Variants in DYNC1I1 observed in about 807,000 individuals in gnomAD.
The protein encoded by DYNC1I1 is dynein cytoplasmic 1 intermediate chain 1.
Under a neutral mutation model 86.6 loss-of-function variants are expected in DYNC1I1, and 43 were observed. That is an observed-to-expected ratio of 0.50 (90% CI 0.39 to 0.64). The LOEUF is 0.64. Ranked by LOEUF, DYNC1I1 falls within the 30% of genes least tolerant of loss-of-function variation. The pLI is 0.00. For missense variants in DYNC1I1, 604 were observed against 788.8 expected (o/e 0.77, Z 2.81); for synonymous variants, 262 against 283.7 (o/e 0.92, Z 0.77).
chr7:95,956,621 G>A (rs1414579670), intron 6 of DYNC1I1, among the ~76,000 whole-genome samples: 1 of 152,002 alleles, frequency 6.6e-6, no homozygotes, highest in South Asian at 2.1e-4. Flanking sequence ...TTATGAGTGA[G>A]AACATGCAGT....
intron 6 of DYNC1I1, 34 bp downstream of exon 6, chr7:95,870,032 T>A (rs756098858): frequency 1.3e-6 from 2 of 1,566,482 alleles, no homozygotes; most frequent in South Asian, 2.3e-5. Context: ...TTCCATATTA[T>A]CTCTGGAGAA....
At chr7:95,963,221 T>G (rs1363702733) in intron 6 of DYNC1I1, among the ~76,000 whole-genome samples, 1 of 152,182 alleles carries the variant, frequency 6.6e-6, no homozygotes, top group Non-Finnish European at 1.5e-5. Flanking sequence ...CCTTGTCCTA[T>G]CTCCACCACT....
chr7:95,844,605 T>G (rs929110521), intron 5 of DYNC1I1, among the ~76,000 whole-genome samples: 1 of 151,832 alleles, frequency 6.6e-6, no homozygotes, highest in Non-Finnish European at 1.5e-5. Context: ...GGCGGGGGGT[T>G]AGAGGAATGG....
In DYNC1I1 at chr7:95,828,051, A is replaced by G. The variant is rs1444661847; in HGVS notation, c.315-6A>G. On this transcript the variant is annotated splice_polypyrimidine_tract_variant and splice_region_variant and intron_variant, in intron 4 of 16. Transcript: ENST00000447467. ...GTGTTCTTTTTCCTTTGTGCTGCAC[A>G]ATTAGGACCCTGCAGTGGGACACAG... The G allele has an allele frequency of 8.7e-6, 14 of 1,613,524 alleles. No individual in the cohort carries two copies. Among genetic ancestry groups the G allele is most frequent in the Non-Finnish European group, 1.2e-5 (14 of 1,179,740 alleles).
At chr7:95,905,571 C>T (rs1420890850) in intron 6 of DYNC1I1, among the ~76,000 whole-genome samples, 1 of 152,144 alleles carries the variant, frequency 6.6e-6, no homozygotes, top group Non-Finnish European at 1.5e-5. Context: ...GTCTCAAACT[C>T]ACGTGGGGTC....
intron 1 of DYNC1I1, among the ~76,000 whole-genome samples, chr7:95,785,775 G>GTGTGTA (rs1317168531): frequency 8.7e-4 from 108 of 124,826 alleles, no homozygotes; most frequent in African/African-American, 2.4e-3. Flanking sequence ...GTGTGTATGT[G>GTGTGTA]TATATATATA....
At chr7:95,981,147 A>T (rs1315938100) in intron 7 of DYNC1I1, among the ~76,000 whole-genome samples, 1 of 152,140 alleles carries the variant, frequency 6.6e-6, no homozygotes, top group Non-Finnish European at 1.5e-5. Context: ...CAGAAATGAG[A>T]TACTAAAAAA....
chr7:95,831,975 T>A (rs867618626), intron 5 of DYNC1I1, among the ~76,000 whole-genome samples: 13 of 152,138 alleles, frequency 8.5e-5, no homozygotes, highest in African/African-American at 2.2e-4. Context: ...TTTCTTTTTT[T>A]TTATTATTAT....
intron 8 of DYNC1I1, among the ~76,000 whole-genome samples, chr7:95,986,629 T>G (rs1271883634): frequency 6.6e-6 from 1 of 152,082 alleles, no homozygotes; most frequent in East Asian, 1.9e-4. Flanking sequence ...AAAACATGCA[T>G]ATCATTTCCG....
chr7:96,059,696 G>T (rs1789705228), intron 14 of DYNC1I1, among the ~76,000 whole-genome samples: 1 of 152,132 alleles, frequency 6.6e-6, no homozygotes, highest in Non-Finnish European at 1.5e-5. Flanking sequence ...CCTGAGGAGG[G>T]GACACTTTAA....
intron 6 of DYNC1I1, among the ~76,000 whole-genome samples, chr7:95,942,332 A>T (rs1792251568): frequency 6.6e-6 from 1 of 152,226 alleles, no homozygotes; most frequent in Non-Finnish European, 1.5e-5. Context: ...GAAGAAGTTG[A>T]ATCTCTGAAT....
intron 5 of DYNC1I1, among the ~76,000 whole-genome samples, chr7:95,834,812 G>T (rs1371020462): frequency 1.4e-5 from 2 of 142,462 alleles, no homozygotes; most frequent in African/African-American, 5.3e-5. Context: ...GGGATCGGTG[G>T]TGATATCCCC....
chr7:95,903,025 C>G (rs1038404254), intron 6 of DYNC1I1, among the ~76,000 whole-genome samples: 3 of 152,106 alleles, frequency 2.0e-5, no homozygotes, highest in African/African-American at 7.2e-5. Context: ...TTTAGTTGAG[C>G]CTTGTGCAAT....
At chr7:95,974,120 A>T (rs1562960422) in intron 6 of DYNC1I1, among the ~76,000 whole-genome samples, 1 of 152,194 alleles carries the variant, frequency 6.6e-6, no homozygotes, top group Non-Finnish European at 1.5e-5. Context: ...TCTGTTTTAA[A>T]TTGAGACTCT....
At chr7:96,064,245 T>C (rs943343288) in intron 14 of DYNC1I1, among the ~76,000 whole-genome samples, 1 of 148,186 alleles carries the variant, frequency 6.7e-6, no homozygotes, top group Non-Finnish European at 1.5e-5. Context: ...TCTCTCTCTC[T>C]CTCCCTCTCT....
intron 14 of DYNC1I1, among the ~76,000 whole-genome samples, chr7:96,057,274 G>A (rs151215122): frequency 1.3e-5 from 2 of 152,160 alleles, no homozygotes; most frequent in African/African-American, 4.8e-5. Flanking sequence ...GTCTGTGCGA[G>A]TCAGAGTCCT....
At chr7:95,777,872 A>C (rs1324681491) in intron 1 of DYNC1I1, among the ~76,000 whole-genome samples, 2 of 152,130 alleles carry the variant, frequency 1.3e-5, no homozygotes, top group East Asian at 3.8e-4. Context: ...ATCCCTCAAG[A>C]ATTTTTTAAA....
At chr7:95,800,616 G>A (rs1004897693) in intron 1 of DYNC1I1, among the ~76,000 whole-genome samples, 7 of 152,212 alleles carry the variant, frequency 4.6e-5, no homozygotes. Context: ...AATCTGGGTA[G>A]AGTGAAGCCG....
chr7:95,983,547 G>A (rs1381112599), intron 7 of DYNC1I1, among the ~76,000 whole-genome samples: 1 of 152,086 alleles, frequency 6.6e-6, no homozygotes, highest in Non-Finnish European at 1.5e-5. Context: ...GAGATGTTAC[G>A]AACATTGGAT....
Sources: gnomAD v4.1 joint callset for allele counts (sites outside exome capture counted in the v4.1 genomes callset) on GRCh38, gnomAD v4.1.1 for gene constraint, MANE v1.5 for transcripts, NCBI Gene and HGNC (gene_info 2026-07-23, HGNC 2026-07-21) for gene names.